ZFHX3: variants seen among roughly 807,000 people sequenced by gnomAD.
ZFHX3 encodes the protein zinc finger homeobox protein 3.
In ZFHX3, 42 loss-of-function variants were observed where a neutral mutation model predicts 279.1. The observed-to-expected ratio is 0.15, with a 90% CI of 0.12 to 0.19. ZFHX3 has a LOEUF of 0.19. ZFHX3 is among the 10% of genes least tolerant of loss of function. The probability of loss-of-function intolerance (pLI) is 1.00; values close to 1 mark genes in which losing one functional copy is unlikely to be tolerated. For synonymous variants in ZFHX3, 2,293 were observed against 1,957.8 expected, an observed-to-expected ratio of 1.17 and a Z score of -4.52; for missense variants, 4,981 against 4,754.0, an observed-to-expected ratio of 1.05 and a Z score of -1.40.
chr16:72,911,030 C>A (rs1199225280), intron 3 of ZFHX3, among the ~76,000 whole-genome samples: 1 of 152,194 alleles, frequency 6.6e-6, no homozygotes, highest in Non-Finnish European at 1.5e-5. Context: ...CATTCCTCGG[C>A]TGGGGTTTGT....
intron 3 of ZFHX3, among the ~76,000 whole-genome samples, chr16:72,925,768 T>G (rs190199445): frequency 6.6e-6 from 1 of 152,348 alleles, no homozygotes; most frequent in Admixed American, 6.5e-5. Context: ...ACTCCTTCCC[T>G]GACCAAACTG....
At chr16:73,802,712 G>A (rs1960177840) in intron 1 of ZFHX3, among the ~76,000 whole-genome samples, 1 of 152,146 alleles carries the variant, frequency 6.6e-6, no homozygotes, top group Admixed American at 6.5e-5. Flanking sequence ...GTTGAAGAGG[G>A]ATGTTTTCTA....
rs531383557 is a variant in ZFHX3, at chr16:73,412,986, C to T, written c.-1291+43017G>A. 2.6e-5 allele frequency among the ~76,000 whole-genome samples: 4 copies of T among 152,226 alleles called. No individual in the cohort carries two copies. In the South Asian group the frequency reaches 8.3e-4, roughly 32 times the overall value. On this transcript the variant is annotated intron_variant, in intron 3 of 17. Coordinates refer to the ZFHX3 transcript ENST00000641206. ...TCACCAACTATAGCTAAGGGCCCAC[C>T]GTGTGCAAAGTACTGGGGGAAAAAT...
chr16:73,850,860 C>G (rs565905366), intron 1 of ZFHX3, among the ~76,000 whole-genome samples: 1 of 152,112 alleles, frequency 6.6e-6, no homozygotes, highest in Non-Finnish European at 1.5e-5. Flanking sequence ...AAAGAGACTC[C>G]AGGGGATTTG....
At chr16:73,290,873 G>A (rs550838984) in intron 4 of ZFHX3, among the ~76,000 whole-genome samples, 1 of 152,330 alleles carries the variant, frequency 6.6e-6, no homozygotes, top group South Asian at 2.1e-4. Flanking sequence ...TTCCTATTCA[G>A]AGCAAAGCCA....
In ZFHX3 at chr16:73,470,698, C is replaced by A. The variant is rs559211699; in HGVS notation, c.-1546-14440G>T. On this transcript the variant is annotated intron_variant, in intron 2 of 17. Transcript: ENST00000641206. The stretch of plus-strand genomic sequence containing the variant: ...GCTCTATGGAGTGAAATTCCACTTT[C>A]AACAGATACATTTTCAGCGTGGCAC... Among the ~76,000 whole-genome samples the A allele has an allele frequency of 5.9e-5, 9 of 152,282 alleles. No homozygotes were observed. The East Asian group carries it at 1.7e-3, about 29-fold the overall frequency.
intron 1 of ZFHX3, among the ~76,000 whole-genome samples, chr16:73,691,644 T>C (rs902712600): frequency 2.6e-5 from 4 of 152,200 alleles, no homozygotes; most frequent in Non-Finnish European, 4.4e-5. Flanking sequence ...TCTATAAATA[T>C]TCCCATTTTA....
At chr16:72,984,312 T>C (rs976776041) in intron 1 of ZFHX3, among the ~76,000 whole-genome samples, 1 of 152,178 alleles carries the variant, frequency 6.6e-6, no homozygotes, top group African/African-American at 2.4e-5. Context: ...TCCATGAAAC[T>C]TGTGTTCACA....
In ZFHX3 at chr16:73,412,005, T is replaced by C. The variant is rs139638455; in HGVS notation, c.-1291+43998A>G. On this transcript the variant is annotated intron_variant, in intron 3 of 17. Transcript: ENST00000641206. The stretch of plus-strand genomic sequence containing the variant: ...AGCAATTAAAGACCTCTAAGACAGA[T>C]AGGCAGTCTTCCAAAGACTTTCCAA... Among the ~76,000 whole-genome samples, 70 of 152,268 alleles carry C rather than the reference T, an allele frequency of 4.6e-4. 2 individuals carry two copies. Among genetic ancestry groups the C allele is most frequent in the South Asian group, 2.3e-3 (11 of 4,818 alleles).
At chr16:73,269,680 G>A (rs1408628204) in intron 4 of ZFHX3, among the ~76,000 whole-genome samples, 1 of 151,902 alleles carries the variant, frequency 6.6e-6, no homozygotes, top group African/African-American at 2.4e-5. Flanking sequence ...CCTAGGAGGG[G>A]GATTGCTTGG....
At chr16:73,618,265 G>C (rs748405324) in intron 2 of ZFHX3, among the ~76,000 whole-genome samples, 1 of 152,150 alleles carries the variant, frequency 6.6e-6, no homozygotes, top group African/African-American at 2.4e-5. Flanking sequence ...TTAAAAACCC[G>C]CTGGTGATTC....
At chr16:73,324,831 A>G (rs928905423) in intron 3 of ZFHX3, among the ~76,000 whole-genome samples, 2 of 152,176 alleles carry the variant, frequency 1.3e-5, no homozygotes, top group African/African-American at 2.4e-5. Flanking sequence ...CTGGGTGTGG[A>G]GCACAGACCT....
intron 8 of ZFHX3, among the ~76,000 whole-genome samples, chr16:73,065,112 G>C (rs1190769009): frequency 6.6e-6 from 1 of 152,240 alleles, no homozygotes; most frequent in East Asian, 1.9e-4. Context: ...CAGGAAAAAA[G>C]GAAACCCTGC....
intron 2 of ZFHX3, among the ~76,000 whole-genome samples, chr16:73,642,304 T>A (rs1274413887): frequency 6.6e-6 from 1 of 152,194 alleles, no homozygotes; most frequent in East Asian, 1.9e-4. Context: ...CTGCAGTCTT[T>A]CTGGTTTCCC....
At chr16:73,121,794 T>G (rs1326583879) in intron 7 of ZFHX3, among the ~76,000 whole-genome samples, 1 of 151,982 alleles carries the variant, frequency 6.6e-6, no homozygotes, top group Non-Finnish European at 1.5e-5. Context: ...TTTTTGTATT[T>G]TTAGTAGAGA....
chr16:73,107,478 G>A (rs886678192), intron 7 of ZFHX3, among the ~76,000 whole-genome samples: 17 of 152,076 alleles, frequency 1.1e-4, no homozygotes, highest in South Asian at 4.1e-4. Context: ...CTTCTCAACC[G>A]ACAAATGTTG....
intron 6 of ZFHX3, among the ~76,000 whole-genome samples, chr16:73,142,666 G>A (rs1411831157): frequency 2.0e-5 from 3 of 152,240 alleles, no homozygotes; most frequent in Non-Finnish European, 2.9e-5. Context: ...TGCCGCAGGC[G>A]CTGGTGTGAA....
At chr16:72,881,320 A>T (rs989304915) in intron 4 of ZFHX3, among the ~76,000 whole-genome samples, 4 of 152,214 alleles carry the variant, frequency 2.6e-5, no homozygotes, top group Admixed American at 1.3e-4. Context: ...AAAGCCCAGG[A>T]ACCAGGGAGG....
At chr16:72,854,610 G>C (rs2037702786) in intron 4 of ZFHX3, among the ~76,000 whole-genome samples, 1 of 152,106 alleles carries the variant, frequency 6.6e-6, no homozygotes, top group Admixed American at 6.5e-5. Context: ...CAAACAATAA[G>C]GGGGGAGGGA....
Sources: gnomAD v4.1 joint callset for allele counts (sites outside exome capture counted in the v4.1 genomes callset) on GRCh38, gnomAD v4.1.1 for gene constraint, MANE v1.5 for transcripts, NCBI Gene and HGNC (gene_info 2026-07-23, HGNC 2026-07-21) for gene names.